INVS: variants seen among roughly 807,000 people sequenced by gnomAD.
The protein encoded by INVS is inversin.
In INVS, 86 loss-of-function variants were observed where a neutral mutation model predicts 108.8. The ratio of observed to expected loss-of-function variants is 0.79; its 90% confidence interval spans 0.66 to 0.95. The LOEUF (loss-of-function observed/expected upper bound fraction) is 0.95, where lower values mean the gene tolerates loss of function less well. Ranked by LOEUF, INVS falls within the 40% of genes least tolerant of loss-of-function variation. INVS has a pLI of 0.00. For synonymous variants in INVS, 455 were observed against 473.5 expected (o/e 0.96, Z 0.51); for missense variants, 1,169 against 1,297.4 (o/e 0.90, Z 1.52).
At chr9:100,247,106 T>G (rs1832070291) in intron 8 of INVS, among the ~76,000 whole-genome samples, 2 of 152,192 alleles carry the variant, frequency 1.3e-5, no homozygotes, top group South Asian at 4.1e-4. Flanking sequence ...AACCTACACT[T>G]TAAAACTATC....
At chr9:100,161,364 CAAAAAAA>C (rs35392930) in intron 3 of INVS, among the ~76,000 whole-genome samples, 1 of 12,370 alleles carries the variant, frequency 8.1e-5, no homozygotes, top group Non-Finnish European at 1.6e-4. Context: ...ACTTCCATCT[CAAAAAAA>C]AAAAAAAAAA....
chr9:100,188,478 G>A (rs777668741), intron 3 of INVS, among the ~76,000 whole-genome samples: 7 of 152,108 alleles, frequency 4.6e-5, no homozygotes, highest in East Asian at 3.9e-4. Flanking sequence ...GTGATGAATC[G>A]TACTTATTGA....
chr9:100,187,289 G>A (rs895857412), intron 3 of INVS, among the ~76,000 whole-genome samples: 4 of 152,072 alleles, frequency 2.6e-5, no homozygotes, highest in Non-Finnish European at 5.9e-5. Context: ...AGGTAATTGT[G>A]ATGCCTCCAG....
chr9:100,183,282 G>C (rs1206008266), intron 3 of INVS, among the ~76,000 whole-genome samples: 1 of 151,976 alleles, frequency 6.6e-6, no homozygotes, highest in East Asian at 1.9e-4. Context: ...ATTAAAAAAA[G>C]AAAAGACATG....
At chr9:100,110,312 G>GA (rs1827303302) in intron 2 of INVS, among the ~76,000 whole-genome samples, 1 of 152,138 alleles carries the variant, frequency 6.6e-6, no homozygotes. Context: ...TTTAAATAAG[G>GA]AAATTGAGAT....
At chr9:100,175,874 G>T (rs1298771489) in intron 3 of INVS, 5 of 618,218 alleles carry the variant, frequency 8.1e-6, no homozygotes, top group Non-Finnish European at 9.2e-6. Context: ...CTGTGGAGAG[G>T]AATCTCTGCA....
rs60362944 is a variant in INVS, at chr9:100,138,401, C to T, written c.273+11852C>T. Among the ~76,000 whole-genome samples the T allele has an allele frequency of 0.017, 2,539 of 151,570 alleles. 236 individuals carry two copies. In the East Asian group the frequency reaches 0.28, roughly 17 times the overall value. ...AGCTAGGGTGACAAGAGCGAAATTC[C>T]GTCTCAAAAAAAAATTTTATATATA... On this transcript the variant is annotated intron_variant, in intron 3 of 16. Transcript: ENST00000262457.
chr9:100,295,102 G>T (rs980234731), intron 14 of INVS, among the ~76,000 whole-genome samples: 1 of 152,252 alleles, frequency 6.6e-6, no homozygotes, highest in African/African-American at 2.4e-5. Flanking sequence ...AAGTATTCTG[G>T]CTAAAATCTA....
chr9:100,283,984 G>A (rs1415857155), intron 12 of INVS, among the ~76,000 whole-genome samples: 2 of 152,134 alleles, frequency 1.3e-5, no homozygotes, highest in African/African-American at 2.4e-5. Context: ...TGGAGTTACA[G>A]GTAGCTCCAG....
chr9:100,134,090 CA>C (rs1828144369), intron 3 of INVS, among the ~76,000 whole-genome samples: 1 of 151,982 alleles, frequency 6.6e-6, no homozygotes, highest in Non-Finnish European at 1.5e-5. Context: ...CCCTTGCCCC[CA>C]TTCCACTCTT....
rs977097770 is a variant in INVS, at chr9:100,123,183, G to A, written c.107-3200G>A. On this transcript the variant is annotated intron_variant, in intron 2 of 16. Transcript: ENST00000262457. ...TTTGTGTATTCAGTGTTGGACAAAC[G>A]TCACCACAAATGATATTAGAACACT... 1.5e-4 allele frequency among the ~76,000 whole-genome samples: 23 copies of A among 152,064 alleles called. 1 individual carries two copies. Among genetic ancestry groups the A allele is most frequent in the African/African-American group, 4.6e-4 (19 of 41,480 alleles).
At chr9:100,276,438 T>C (rs1338125) in intron 12 of INVS, among the ~76,000 whole-genome samples, 45,553 of 152,162 alleles carry the variant, frequency 0.3, 7,980 homozygotes, top group Non-Finnish European at 0.41. Flanking sequence ...GCTGCTACCA[T>C]TGATTGTATG....
In INVS at chr9:100,300,880, C is replaced by A; in HGVS notation, c.*206C>A. ...GCATTGTTTTGTCAATCAACACAGC[C>A]TGCACTGAAAGGACCTGCATAGACT... On this transcript the variant is annotated 3_prime_UTR_variant, in exon 17 of 17. Transcript: ENST00000262457. The A allele has an allele frequency of 1.6e-6, 1 of 607,288 alleles. No individual in the cohort carries two copies. Among genetic ancestry groups the A allele is most frequent in the East Asian group, 2.8e-5 (1 of 35,148 alleles). 37.6% of individuals were successfully genotyped at this position (607,288 alleles called of 1,614,324 possible). A position where few individuals can be genotyped will look rare whatever the true frequency, so the allele number is the denominator to read the frequency against.
At chr9:100,242,785 T>C in intron 7 of INVS, 106 bp downstream of exon 7, 1 of 740,180 alleles carries the variant, frequency 1.4e-6, no homozygotes, top group Non-Finnish European at 2.5e-6. Context: ...AGATTGCATG[T>C]ACCCTTCACC....
At chr9:100,113,835 C>G (rs770492443) in intron 2 of INVS, among the ~76,000 whole-genome samples, 2 of 152,152 alleles carry the variant, frequency 1.3e-5, no homozygotes, top group African/African-American at 4.8e-5. Flanking sequence ...TTCCTTATAT[C>G]TAACTGTACC....
chr9:100,231,408 TC>T (rs1831507895), intron 5 of INVS, among the ~76,000 whole-genome samples: 2 of 152,096 alleles, frequency 1.3e-5, no homozygotes. Context: ...TGCAAAACGT[TC>T]AGGTTTGTTA....
intron 12 of INVS, among the ~76,000 whole-genome samples, chr9:100,283,171 T>G (rs1476620987): frequency 2.6e-5 from 4 of 151,978 alleles, no homozygotes; most frequent in Non-Finnish European, 5.9e-5. Flanking sequence ...TTAAAAATTA[T>G]CCAGGTGTGG....
Position 100,242,707 on chromosome 9 carries a change from T to G in INVS, c.906+28T>G, listed in dbSNP as rs781455039. The G allele has an allele frequency of 2.1e-5, 27 of 1,277,978 alleles. No individual in the cohort carries two copies. In the East Asian group the frequency reaches 3.2e-4, roughly 15 times the overall value. The allele number at this position is 1,277,978 out of a possible 1,614,324, so 79.2% of individuals were successfully genotyped here. ...AAGTAAAACAAGACAATGCTCTTTT[T>G]TCTTAGTGAAAATTGTTATTTTTAT... On this transcript the variant is annotated intron_variant, in intron 7 of 16. Coordinates refer to ENST00000262457, the MANE Select transcript of INVS (RefSeq NM_014425.5).
chr9:100,141,578 G>T (rs1588033186), intron 3 of INVS, among the ~76,000 whole-genome samples: 1 of 152,276 alleles, frequency 6.6e-6, no homozygotes, highest in South Asian at 2.1e-4. Flanking sequence ...TGTAGGAAAG[G>T]CCTCTACCCA....
Sources: gnomAD v4.1 joint callset for allele counts (sites outside exome capture counted in the v4.1 genomes callset) on GRCh38, gnomAD v4.1.1 for gene constraint, MANE v1.5 for transcripts, NCBI Gene and HGNC (gene_info 2026-07-23, HGNC 2026-07-21) for gene names.